ZNF496: variants seen among roughly 807,000 people sequenced by gnomAD.
ZNF496 encodes the protein zinc finger protein 496.
In ZNF496, 11 loss-of-function variants were observed where a neutral mutation model predicts 58.9. The observed-to-expected ratio is 0.19, with a 90% CI of 0.12 to 0.31. ZNF496 has a LOEUF of 0.31. Among genes scored for constraint, ZNF496 ranks in the 10% least tolerant of loss-of-function variants. The pLI is 1.00. For missense variants in ZNF496, 660 were observed against 783.0 expected (o/e 0.84, Z 1.88); for synonymous variants, 338 against 318.2 (o/e 1.06, Z -0.66).
At chr1:247,306,435 G>A (rs1659411374) in intron 9 of ZNF496, among the ~76,000 whole-genome samples, 4 of 150,846 alleles carry the variant, frequency 2.7e-5, no homozygotes, top group South Asian at 4.2e-4. Flanking sequence ...TGACCTCAGC[G>A]ATCTGCCTGC....
In ZNF496 at chr1:247,307,901, T is replaced by C. The variant is rs528204263; in HGVS notation, c.1006+574A>G. 1.1e-5 allele frequency: 11 copies of C among 985,402 alleles called. No individual in the cohort carries two copies. The South Asian group carries it at 4.2e-4, about 38-fold the overall frequency. The allele number at this position is 985,402 out of a possible 1,614,324, so 61.0% of individuals were successfully genotyped here. ...CCAAGACGACTCAGAGTCTACACTG[T>C]GGCTATTTCTCTGAAAGCAGGAATG... is the stretch of plus-strand genomic sequence containing the variant. On this transcript the variant is annotated intron_variant, in intron 9 of 9. Coordinates refer to ENST00000682384, the MANE Select transcript of ZNF496 (RefSeq NM_032752.3).
rs559309720 is a variant in ZNF496 at position 247,299,315 on chromosome 1, A to G, written c.*1204T>C. 4.9e-4 allele frequency: 74 copies of G among 152,396 alleles called. No homozygotes were observed. Among genetic ancestry groups the G allele is most frequent in the African/African-American group, 1.6e-3 (68 of 41,588 alleles). The allele number at this position is 152,396 out of a possible 1,614,324, so 9.4% of individuals were successfully genotyped here. A position where few individuals can be genotyped will look rare whatever the true frequency, so the allele number is the denominator to read the frequency against. ...TTTGGAGACAGACACGCACACAGCA[A>G]GAGTGCCATGTGGAGATGAAGGCAG... On this transcript the variant is annotated 3_prime_UTR_variant, in exon 10 of 10. Transcript: ENST00000682384.
At chr1:247,317,552 C>A (rs1434982137) in intron 6 of ZNF496, among the ~76,000 whole-genome samples, 2 of 148,020 alleles carry the variant, frequency 1.4e-5, no homozygotes, top group Non-Finnish European at 3.0e-5. Flanking sequence ...GACCTCCATC[C>A]CTGCTAGCTA....
At position 247,300,870 on chromosome 1, in the gene ZNF496, G is replaced by A; in HGVS notation, c.1413C>T (p.Ser471=). 5.6e-6 allele frequency: 9 copies of A among 1,611,594 alleles called. No homozygotes were observed. The highest frequency in any genetic ancestry group is 7.6e-6 in the Non-Finnish European group (9 of 1,178,520). Residue 471 remains serine (S), a synonymous_variant, in exon 10 of 10, where the codon AGC becomes AGT. Transcript: ENST00000682384. The surrounding 1 kb of genome is among the most constrained non-coding windows in gnomAD (Gnocchi z 5.7). ...KPYRCGACGK[S]FRLNSHLLSH... is the part of the protein sequence containing the mutation. ...AGAGCAGGTGGGAGTTCAGGCGGAA[G>A]CTCTTCCCGCAGGCACCACACCGGT...
intron 9 of ZNF496, among the ~76,000 whole-genome samples, chr1:247,305,932 A>G (rs1659392432): frequency 6.6e-6 from 1 of 152,242 alleles, no homozygotes; most frequent in Non-Finnish European, 1.5e-5. Context: ...AAAACAAAAC[A>G]AAACAAAACA....
In ZNF496 at chr1:247,328,805, T is replaced by G. The variant is rs746236722; in HGVS notation, c.452A>C (p.Gln151Pro). 1 of 1,613,578 alleles carries G rather than the reference T, an allele frequency of 6.2e-7. No individual in the cohort carries two copies. Among genetic ancestry groups the G allele is most frequent in the Non-Finnish European group, 8.5e-7 (1 of 1,179,812 alleles). The part of the protein sequence containing the change: ...DDGDSPLDQE[Q>P]EQLPVEPHSD... ...GTGGGGCTCTACCGGCAGCTGCTCC[T>G]GCTCCTGGTCCAGAGGGCTGTCCCC... The change falls in exon 5 of 10, where the codon CAG becomes CCG. Residue 151 changes from glutamine to proline, a missense_variant. Transcript: ENST00000682384.
At chr1:247,305,394 A>G (rs56396334) in intron 9 of ZNF496, among the ~76,000 whole-genome samples, 34,867 of 152,220 alleles carry the variant, frequency 0.23, 4,283 homozygotes, top group East Asian at 0.41. Flanking sequence ...TAAAAAATGT[A>G]AGGCAGAAAA....
In ZNF496 at chr1:247,300,917, T is replaced by C. The variant is rs761879014; in HGVS notation, c.1366A>G (p.Ser456Gly). The C allele has an allele frequency of 8.7e-6, 14 of 1,613,328 alleles. No individual in the cohort carries two copies. Among genetic ancestry groups the C allele is most frequent in the Non-Finnish European group, 1.2e-5 (14 of 1,179,564 alleles). Residue 456 changes from serine to glycine, a missense_variant, in exon 10 of 10, where the codon AGC (serine) becomes GGC (glycine). Ser to Gly is a moderately conservative substitution (Grantham distance 56). Transcript: ENST00000682384. This position sits in a 1 kb window ranked among gnomAD's most constrained non-coding sequence, Gnocchi z 5.7. ...DSEDLDGHLE[S>G]HEAQKPYRCG... ...CGGTAAGGCTTCTGGGCCTCGTGGC[T>C]CTCTAGGTGCCCATCCAGGTCCTCG...
intron 9 of ZNF496, among the ~76,000 whole-genome samples, chr1:247,302,466 G>T (rs1341575057): frequency 9.8e-6 from 1 of 102,478 alleles, no homozygotes; most frequent in East Asian, 2.6e-4. Context: ...TGAAGACAGA[G>T]ATTGTGTTTG....
At chr1:247,306,693 G>A (rs61838682) in intron 9 of ZNF496, among the ~76,000 whole-genome samples, 13,392 of 151,724 alleles carry the variant, frequency 0.088, 703 homozygotes, top group Middle Eastern at 0.15. Flanking sequence ...GTAGAGACAG[G>A]TTTCGCCATG....
At position 247,301,000 on chromosome 1, in the gene ZNF496, C is replaced by A; in HGVS notation, c.1283G>T (p.Arg428Leu). The A allele has an allele frequency of 1.2e-6, 2 of 1,613,806 alleles. No homozygotes were observed. Among genetic ancestry groups the A allele is most frequent in the Non-Finnish European group, 1.7e-6 (2 of 1,180,040 alleles). The change falls in exon 10 of 10, where the codon CGC becomes CTC. Residue 428 changes from arginine (R) to leucine (L), a missense_variant. Arg to Leu is a moderately radical substitution (Grantham distance 102, BLOSUM62 -2). Transcript: ENST00000682384. This position sits in a 1 kb window ranked among gnomAD's most constrained non-coding sequence, Gnocchi z 5.7. ...CTCGTGCGGCTTCTCCTGCTCCCTG[C>A]GGCTCCGCAGATGCCGGATGAAGTT... ...RVNFIRHLRS[R>L]REQEKPHECS...
chr1:247,325,265 T>C (rs1660085101), intron 5 of ZNF496, among the ~76,000 whole-genome samples: 1 of 152,220 alleles, frequency 6.6e-6, no homozygotes, highest in African/African-American at 2.4e-5. Context: ...TCACTGTGTC[T>C]GAAGGGGAAG....
chr1:247,318,439 A>G (rs1017874233), intron 6 of ZNF496, among the ~76,000 whole-genome samples: 3 of 152,250 alleles, frequency 2.0e-5, no homozygotes, highest in African/African-American at 7.2e-5. Context: ...ACACAGCATA[A>G]TTTAACTTCT....
intron 9 of ZNF496, among the ~76,000 whole-genome samples, chr1:247,306,731 C>T (rs1659429074): frequency 6.6e-6 from 1 of 151,992 alleles, no homozygotes; most frequent in Non-Finnish European, 1.5e-5. Flanking sequence ...GAACTCCTAA[C>T]CTCAGGCGAT....
intron 6 of ZNF496, 124 bp from the exon 7 acceptor site, chr1:247,310,580 T>A: frequency 7.7e-7 from 1 of 1,300,092 alleles, no homozygotes; most frequent in Non-Finnish European, 1.1e-6. Flanking sequence ...CAGAAATCTG[T>A]TCCTCACAGT....
At chr1:247,302,695 C>T (rs544450195) in intron 9 of ZNF496, among the ~76,000 whole-genome samples, 3 of 152,072 alleles carry the variant, frequency 2.0e-5, no homozygotes, top group Admixed American at 1.3e-4. Context: ...GCAGGAACCT[C>T]GTTCCAGCCA....
intron 9 of ZNF496, among the ~76,000 whole-genome samples, chr1:247,303,326 G>C (rs1040009526): frequency 3.3e-5 from 5 of 152,212 alleles, no homozygotes; most frequent in African/African-American, 4.8e-5. Flanking sequence ...AAGAAAGTAA[G>C]TTTCTGTTGT....
chr1:247,327,131 C>A (rs1262185864), intron 5 of ZNF496, among the ~76,000 whole-genome samples: 3 of 152,174 alleles, frequency 2.0e-5, no homozygotes, highest in Non-Finnish European at 4.4e-5. Context: ...ATGGCGTGAT[C>A]TCAGCTCACT....
rs1659821705 is a variant in ZNF496, at chr1:247,317,544, C to T, written c.651+5610G>A. On this transcript the variant is annotated intron_variant, in intron 6 of 9. Transcript: ENST00000682384. ...GAGAAGGCCAAATGCGGAGCTGGGA[C>T]CTCCATCCCTGCTAGCTAAGAACAA... 2.0e-5 allele frequency among the ~76,000 whole-genome samples: 3 copies of T among 150,724 alleles called. No homozygotes were observed. In the South Asian group the frequency reaches 6.4e-4, roughly 32 times the overall value.
Sources: allele counts gnomAD v4.1 joint callset (sites outside exome capture counted in the v4.1 genomes callset), GRCh38; gene constraint gnomAD v4.1.1; non-coding constraint Gnocchi (gnomAD v3.1); transcripts MANE v1.5; gene names NCBI Gene and HGNC (gene_info 2026-07-23, HGNC 2026-07-21).